Variants in SUPT3H observed in about 807,000 individuals in gnomAD.
SUPT3H encodes the protein SPT3 homolog, SAGA and STAGA complex component.
In SUPT3H, 44 loss-of-function variants were observed where a neutral mutation model predicts 44.3. The ratio of observed to expected loss-of-function variants is 0.99; its 90% CI spans 0.78 to 1.28. SUPT3H has a LOEUF of 1.28. Ranked by LOEUF, SUPT3H falls within the 50% of genes most tolerant of loss-of-function variation. SUPT3H has a pLI of 0.00. For synonymous variants in SUPT3H, 124 were observed against 125.6 expected (o/e 0.99, Z 0.09); for missense variants, 380 against 387.1 (o/e 0.98, Z 0.15).
chr6:45,282,789 T>C (rs1778406352), intron 2 of SUPT3H, among the ~76,000 whole-genome samples: 1 of 152,090 alleles, frequency 6.6e-6, no homozygotes, highest in South Asian at 2.1e-4. Context: ...ATTGTCAGAT[T>C]CACCAAAGTT....
chr6:45,059,140 C>T (rs1384416849), intron 3 of SUPT3H, among the ~76,000 whole-genome samples: 3 of 151,764 alleles, frequency 2.0e-5, no homozygotes, highest in South Asian at 4.2e-4. Flanking sequence ...ATACTCTATT[C>T]AGAAATTAGG....
chr6:44,988,136 C>T (rs1780076740), intron 6 of SUPT3H, among the ~76,000 whole-genome samples: 1 of 151,940 alleles, frequency 6.6e-6, no homozygotes, highest in Non-Finnish European at 1.5e-5. Flanking sequence ...GGCATTGGTG[C>T]AGTGTGAGTT....
chr6:44,954,981 AT>A (rs1256265955), intron 7 of SUPT3H, among the ~76,000 whole-genome samples: 1 of 152,232 alleles, frequency 6.6e-6, no homozygotes, highest in African/African-American at 2.4e-5. Context: ...TGTAACCTTA[AT>A]TTACTCATAT....
intron 10 of SUPT3H, among the ~76,000 whole-genome samples, chr6:44,884,116 C>A (rs991388316): frequency 2.0e-5 from 3 of 152,022 alleles, no homozygotes; most frequent in Admixed American, 2.0e-4. Context: ...ATCCATTTGA[C>A]AAAGGGCTAA....
In SUPT3H at chr6:45,040,123, C is replaced by A. The variant is rs556996455; in HGVS notation, c.187-19491G>T. ...TAATAAATATCATCAGCTTTTTAGG[C>A]CATATGCTGTTTCATCTATTCAACC... On this transcript the variant is annotated intron_variant, in intron 3 of 10. Coordinates refer to ENST00000371459, the MANE Select transcript of SUPT3H (RefSeq NM_003599.4). Among the ~76,000 whole-genome samples the A allele has an allele frequency of 1.8e-3, 278 of 152,234 alleles. 1 individual carries two copies. The highest frequency in any genetic ancestry group is 6.2e-3 in the African/African-American group (258 of 41,534).
chr6:44,955,818 T>C (rs1264193743), intron 7 of SUPT3H, among the ~76,000 whole-genome samples: 2 of 151,980 alleles, frequency 1.3e-5, no homozygotes, highest in Non-Finnish European at 2.9e-5. Flanking sequence ...ACCTCAGAAA[T>C]TGCTACTAAA....
chr6:45,233,362 G>A (rs940748915), intron 2 of SUPT3H, among the ~76,000 whole-genome samples: 1 of 152,196 alleles, frequency 6.6e-6, no homozygotes, highest in Non-Finnish European at 1.5e-5. Context: ...ATGTGCTCAC[G>A]ATGGTGCTCA....
At chr6:45,221,513 T>C (rs1427533201) in intron 2 of SUPT3H, among the ~76,000 whole-genome samples, 1 of 151,984 alleles carries the variant, frequency 6.6e-6, no homozygotes, top group Admixed American at 6.6e-5. Context: ...CCTAAGACAA[T>C]TACTTAACAA....
At chr6:44,887,390 T>C (rs1582234541) in intron 10 of SUPT3H, among the ~76,000 whole-genome samples, 2 of 152,120 alleles carry the variant, frequency 1.3e-5, no homozygotes, top group East Asian at 1.9e-4. Flanking sequence ...TCAGCAAATG[T>C]AAAAGAACAG....
chr6:44,870,338 T>C (rs1395996351), intron 10 of SUPT3H, among the ~76,000 whole-genome samples: 3 of 152,136 alleles, frequency 2.0e-5, no homozygotes, highest in Non-Finnish European at 1.5e-5. Context: ...GGTTCATGCC[T>C]GTAATCCCAG....
chr6:45,293,517 CA>C (rs141346507), intron 2 of SUPT3H, among the ~76,000 whole-genome samples: 34,405 of 147,766 alleles, frequency 0.23, 4,564 homozygotes, highest in Non-Finnish European at 0.31. Context: ...CTGAAACAAT[CA>C]AAAAAAAAAT....
At chr6:45,198,201 A>G (rs1235756400) in intron 2 of SUPT3H, among the ~76,000 whole-genome samples, 1 of 151,420 alleles carries the variant, frequency 6.6e-6, no homozygotes, top group African/African-American at 2.4e-5. Flanking sequence ...AAAATATTTT[A>G]AAAATAGCTT....
At chr6:44,989,837 T>G (rs1267103345) in intron 6 of SUPT3H, among the ~76,000 whole-genome samples, 1 of 152,124 alleles carries the variant, frequency 6.6e-6, no homozygotes. Context: ...TGTTCCTTTT[T>G]TTAATTGGGT....
chr6:44,990,871 T>A (rs1330366446), intron 6 of SUPT3H, among the ~76,000 whole-genome samples: 2 of 142,544 alleles, frequency 1.4e-5, no homozygotes, highest in African/African-American at 5.1e-5. Context: ...AAATTTATTA[T>A]TTTAATAAAC....
chr6:45,015,314 G>C (rs1784081589), intron 4 of SUPT3H, among the ~76,000 whole-genome samples: 1 of 152,070 alleles, frequency 6.6e-6, no homozygotes, highest in African/African-American at 2.4e-5. Flanking sequence ...AAAATGGTAA[G>C]TATTTGTATA....
chr6:44,980,023 T>C (rs1209514151), intron 6 of SUPT3H, among the ~76,000 whole-genome samples: 1 of 152,148 alleles, frequency 6.6e-6, no homozygotes, highest in African/African-American at 2.4e-5. Flanking sequence ...AAAATTATAG[T>C]TGCTTAGGCA....
At chr6:45,330,430 AG>A (rs900593712) in intron 2 of SUPT3H, among the ~76,000 whole-genome samples, 1 of 152,016 alleles carries the variant, frequency 6.6e-6, no homozygotes, top group African/African-American at 2.4e-5. Context: ...CAGAGATATC[AG>A]GGAGGGATAA....
Position 44,828,127 on chromosome 6 carries a change from T to TTC in SUPT3H, c.*1688_*1689insGA, listed in dbSNP as rs1767973223. Among the ~76,000 whole-genome samples the TTC allele has an allele frequency of 6.6e-6, 1 of 152,152 alleles. No individual in the cohort carries two copies. The highest frequency in any genetic ancestry group is 2.1e-4 in the South Asian group (1 of 4,834). ...GTGAAAAATTATCCCCTGAAAATTT[T>TTC]ATACCATCTATAAGCCTGGCAGATC... On this transcript the variant is annotated 3_prime_UTR_variant, in exon 11 of 11. Transcript: ENST00000371459.
chr6:44,909,647 T>C (rs1232843463), intron 10 of SUPT3H, among the ~76,000 whole-genome samples: 1 of 152,174 alleles, frequency 6.6e-6, no homozygotes, highest in African/African-American at 2.4e-5. Flanking sequence ...TCAACCACTA[T>C]GGCACCATGC....
Sources: allele counts gnomAD v4.1 joint callset (sites outside exome capture counted in the v4.1 genomes callset), GRCh38; gene constraint gnomAD v4.1.1; transcripts MANE v1.5; gene names NCBI Gene and HGNC (gene_info 2026-07-23, HGNC 2026-07-21).